BOLA3: variants seen among roughly 807,000 people sequenced by gnomAD.
BOLA3 encodes bolA family member 3.
A neutral mutation model predicts 14.5 loss-of-function variants in BOLA3; 8 were observed. The observed-to-expected ratio is 0.55, with a 90% CI of 0.32 to 0.99. The LOEUF (loss-of-function observed/expected upper bound fraction) is 0.99, where lower values mean the gene tolerates loss of function less well. Ranked by LOEUF, BOLA3 falls within the 50% of genes least tolerant of loss-of-function variation. BOLA3 has a pLI of 0.04. For synonymous variants in BOLA3, 42 were observed against 45.7 expected (o/e 0.92, Z 0.33); for missense variants, 115 against 138.2 (o/e 0.83, Z 0.84).
chr2:74,147,705 C>T (rs1692572508), intron 1 of BOLA3, 116 bp downstream of exon 1: 1 of 933,978 alleles, frequency 1.1e-6, no homozygotes, highest in East Asian at 2.7e-5. Context: ...CCCCCCATTG[C>T]CAGTGCCGCG....
intron 2 of BOLA3, among the ~76,000 whole-genome samples, chr2:74,144,699 C>T (rs981683674): frequency 1.3e-5 from 2 of 152,204 alleles, no homozygotes; most frequent in African/African-American, 4.8e-5. Flanking sequence ...CCCCTGAGTC[C>T]CGGTTCTGGT....
intron 2 of BOLA3, among the ~76,000 whole-genome samples, chr2:74,144,953 G>A (rs1692517353): frequency 6.6e-6 from 1 of 152,140 alleles, no homozygotes; most frequent in South Asian, 2.1e-4. Flanking sequence ...GCTGAGCCAG[G>A]CTGGCAACCT....
In BOLA3 at chr2:74,145,290, T is replaced by C. The variant is rs1238035995; in HGVS notation, c.68A>G (p.His23Arg). 2.5e-6 allele frequency: 4 copies of C among 1,597,680 alleles called. No homozygotes were observed. Among genetic ancestry groups the C allele is most frequent in the Middle Eastern group, 1.7e-4 (1 of 6,058 alleles). Residue 23 changes from histidine (H) to arginine (R), a missense_variant, in exon 2 of 4, where the codon CAT becomes CGT. By Grantham distance (29) the His-to-Arg change is conservative. Transcript: ENST00000327428. ...CTCAGTCTGAGTGGCAAACATCCGATGGTGAAGTGGAAGCTGCCACAGAAC... is the reference window on the plus strand; with the variant it reads ...CTCAGTCTGAGTGGCAAACATCCGACGGTGAAGTGGAAGCTGCCACAGAAC... The part of the protein sequence containing the change: ...LRGIRGLPLH[H>R]RMFATQTEGE...
intron 2 of BOLA3, among the ~76,000 whole-genome samples, chr2:74,143,209 G>A (rs1692479211): frequency 6.6e-6 from 1 of 151,914 alleles, no homozygotes. Flanking sequence ...AGGCTGGAGT[G>A]CAGTGGCACG....
chr2:74,138,531 C>T (rs1692377131), intron 3 of BOLA3, among the ~76,000 whole-genome samples: 1 of 152,192 alleles, frequency 6.6e-6, no homozygotes, highest in Non-Finnish European at 1.5e-5. Context: ...AGGGCATCTG[C>T]CCCAGGACAG....
intron 2 of BOLA3, among the ~76,000 whole-genome samples, chr2:74,144,038 C>T (rs1692495695): frequency 7.3e-6 from 1 of 136,640 alleles, no homozygotes; most frequent in South Asian, 2.3e-4. Context: ...CACAGTCTCG[C>T]TCTGTCACCC....
At chr2:74,139,383 G>T (rs937831750) in intron 3 of BOLA3, among the ~76,000 whole-genome samples, 2 of 151,906 alleles carry the variant, frequency 1.3e-5, no homozygotes, top group African/African-American at 4.8e-5. Context: ...GCATCTGGAT[G>T]GGGCACCTAC....
rs1209052568 is a variant in BOLA3, at chr2:74,142,307, TCTC to T, written c.220_222del (p.Glu74del). ...ATCTGGTGCTGCTGGACAGTTCTCT[TCTC>T]CTTAAATTCTTCTGATTCAATTTTA... is the stretch of plus-strand genomic sequence containing the variant. On this transcript the variant is annotated inframe_deletion, in exon 3 of 4. Coordinates refer to ENST00000327428, the MANE Select transcript of BOLA3 (RefSeq NM_212552.3). 3.1e-6 allele frequency: 5 copies of T among 1,613,926 alleles called. No homozygotes were observed. Among genetic ancestry groups the T allele is most frequent in the African/African-American group, 1.3e-5 (1 of 74,926 alleles).
chr2:74,139,143 A>AGGG (rs1380423491), intron 3 of BOLA3, among the ~76,000 whole-genome samples: 1 of 152,076 alleles, frequency 6.6e-6, no homozygotes, highest in African/African-American at 2.4e-5. Flanking sequence ...GGGTGCCGAC[A>AGGG]GGGGGCGCCC....
intron 2 of BOLA3, among the ~76,000 whole-genome samples, chr2:74,143,164 T>C (rs182893923): frequency 2.1e-5 from 3 of 144,716 alleles, no homozygotes; most frequent in Admixed American, 2.0e-4. Context: ...CTCTGCTTCT[T>C]TTTTTTTTTG....
At chr2:74,135,821 A>G (rs1692315039) in intron 3 of BOLA3, among the ~76,000 whole-genome samples, 163 bp from the exon 4 acceptor site, 1 of 152,170 alleles carries the variant, frequency 6.6e-6, no homozygotes, top group South Asian at 2.1e-4. Context: ...TAAATCAATA[A>G]TATCTAACAT....
chr2:74,138,454 C>A (rs945328859), intron 3 of BOLA3, among the ~76,000 whole-genome samples: 5 of 152,204 alleles, frequency 3.3e-5, no homozygotes, highest in Non-Finnish European at 7.3e-5. Flanking sequence ...CTGGGGTGGA[C>A]GCACAAGGGC....
At position 74,147,833 on chromosome 2, in the gene BOLA3, G is replaced by A; in HGVS notation, c.42C>T (p.Arg14=). 5 of 1,527,800 alleles carry A rather than the reference G, an allele frequency of 3.3e-6. No individual in the cohort carries two copies. In the South Asian group the frequency reaches 3.6e-5, roughly 11 times the overall value. 94.6% of individuals were successfully genotyped at this position (1,527,800 alleles called of 1,614,324 possible). A position where few individuals can be genotyped will look rare whatever the true frequency, so the allele number is the denominator to read the frequency against. The change falls in exon 1 of 4, where the codon CGC becomes CGT. Residue 14 remains arginine (R), a synonymous_variant. Coordinates refer to ENST00000327428, the MANE Select transcript of BOLA3 (RefSeq NM_212552.3). The part of the protein sequence containing the change: ...WSPAAAAPLL[R]GIRGLPLHHR... ...TGCCCACGCTCACCCCGCGGATCCC[G>A]CGGAGGAGAGGCGCTGCCGCGGCCG... is the stretch of plus-strand genomic sequence containing the variant.
At chr2:74,144,286 C>CA (rs1692501931) in intron 2 of BOLA3, among the ~76,000 whole-genome samples, 1 of 152,188 alleles carries the variant, frequency 6.6e-6, no homozygotes, top group African/African-American at 2.4e-5. Context: ...GGATTACAGG[C>CA]ATGAGCCACT....
chr2:74,139,570 C>T (rs149727452), intron 3 of BOLA3, among the ~76,000 whole-genome samples: 59 of 152,316 alleles, frequency 3.9e-4, no homozygotes, highest in Middle Eastern at 3.4e-3. Flanking sequence ...CAGACCCTGC[C>T]GGCCAACAGA....
rs979899012 is a variant in BOLA3 at position 74,141,574 on chromosome 2, G to A, written c.258+698C>T. On this transcript the variant is annotated intron_variant, in intron 3 of 3. Transcript: ENST00000327428. The stretch of plus-strand genomic sequence containing the variant: ...CGCAGAGAAGGGTGGGGGGAAATGC[G>A]TGAACAGCAGTCTAGGACACCTGAA... Among the ~76,000 whole-genome samples the A allele has an allele frequency of 4.6e-5, 7 of 152,172 alleles. No homozygotes were observed. In the East Asian group the frequency reaches 7.7e-4, roughly 17 times the overall value.
Position 74,147,887 on chromosome 2 carries a change from T to C in BOLA3, c.-13A>G. 1 of 1,513,758 alleles carries C rather than the reference T, an allele frequency of 6.6e-7. No individual in the cohort carries two copies. Among genetic ancestry groups the C allele is most frequent in the South Asian group, 1.2e-5 (1 of 81,718 alleles). 93.8% of individuals were successfully genotyped at this position (1,513,758 alleles called of 1,614,324 possible). On this transcript the variant is annotated 5_prime_UTR_variant, in exon 1 of 4. Coordinates refer to ENST00000327428, the MANE Select transcript of BOLA3 (RefSeq NM_212552.3). ...TCCATGCAGCCATGCCCGGCCGACG[T>C]GACCCGCCGCCCGAGGTCACTGTAT...
chr2:74,142,469 G>T, intron 2 of BOLA3, 109 bp from the exon 3 acceptor site: 1 of 877,592 alleles, frequency 1.1e-6, no homozygotes, highest in Non-Finnish European at 1.9e-6. Flanking sequence ...TTATCATTCA[G>T]CACAAAGGAA....
intron 2 of BOLA3, among the ~76,000 whole-genome samples, chr2:74,142,720 G>A (rs115382035): frequency 0.016 from 2,376 of 152,284 alleles, 52 homozygotes; most frequent in African/African-American, 0.053. Context: ...GAATTTCAGC[G>A]TTCCAGCTTC....
Sources: allele counts gnomAD v4.1 joint callset (sites outside exome capture counted in the v4.1 genomes callset), GRCh38; gene constraint gnomAD v4.1.1; transcripts MANE v1.5; gene names NCBI Gene and HGNC (gene_info 2026-07-23, HGNC 2026-07-21).